HMG20A: variants seen among roughly 807,000 people sequenced by gnomAD.
HMG20A encodes the protein high mobility group protein 20A.
HMG20A carries 17 observed loss-of-function variants against 43.9 expected under a neutral mutation model. The observed-to-expected ratio is 0.39, with a 90% confidence interval of 0.27 to 0.58. HMG20A has a LOEUF of 0.58. HMG20A is among the 20% of genes least tolerant of loss of function. HMG20A has a pLI of 0.59. For synonymous variants in HMG20A, 132 were observed against 147.5 expected, an observed-to-expected ratio of 0.89 and a Z score of 0.76; for missense variants, 341 against 438.2, an observed-to-expected ratio of 0.78 and a Z score of 1.98.
At chr15:77,506,083 A>C in the HMG20A span, among the ~76,000 whole-genome samples, 6 of 152,154 alleles carry the variant, frequency 3.9e-5, no homozygotes, top group South Asian at 1.2e-3. Context: ...CAAAAAAAAA[A>C]AAAAAAAACC....
the HMG20A span, among the ~76,000 whole-genome samples, chr15:77,500,655 G>A: frequency 4.0e-5 from 6 of 149,814 alleles, no homozygotes; most frequent in South Asian, 4.2e-4. Flanking sequence ...TGCAACCTCC[G>A]CCTCCCGAGT....
At chr15:77,474,025 T>C (rs746159326) in intron 6 of HMG20A, among the ~76,000 whole-genome samples, 1 of 152,216 alleles carries the variant, frequency 6.6e-6, no homozygotes, top group Non-Finnish European at 1.5e-5. Context: ...TTTGAAAGTT[T>C]TAAAACTGTT....
chr15:77,465,280 A>G (rs1004570997), intron 3 of HMG20A, among the ~76,000 whole-genome samples: 1 of 150,472 alleles, frequency 6.6e-6, no homozygotes, highest in African/African-American at 2.4e-5. Context: ...AAAAAAAAAA[A>G]AAAAAGAAAG....
At chr15:77,512,231 T>C in the HMG20A span, among the ~76,000 whole-genome samples, 1 of 152,020 alleles carries the variant, frequency 6.6e-6, no homozygotes, top group South Asian at 2.1e-4. Context: ...GCACAGAAAG[T>C]AGAATGGTGG....
At chr15:77,489,188 G>A (rs1283335361), downstream of HMG20A, among the ~76,000 whole-genome samples, 1 of 152,208 alleles carries the variant, frequency 6.6e-6, no homozygotes, top group Admixed American at 6.5e-5. Context: ...GAAGACTAAA[G>A]GGAAAAGAGA....
At chr15:77,423,695 T>C (rs1489929654) in intron 1 of HMG20A, among the ~76,000 whole-genome samples, 1 of 152,224 alleles carries the variant, frequency 6.6e-6, no homozygotes. Flanking sequence ...AGAGATGTTA[T>C]ACATAATACA....
chr15:77,465,297 AC>A (rs2072746596), intron 3 of HMG20A, among the ~76,000 whole-genome samples: 1 of 150,372 alleles, frequency 6.7e-6, no homozygotes, highest in Admixed American at 6.6e-5. Context: ...AAAGAAAAAA[AC>A]AACTAATTTT....
intron 2 of HMG20A, among the ~76,000 whole-genome samples, chr15:77,462,221 A>G (rs1411837010): frequency 6.6e-6 from 1 of 152,160 alleles, no homozygotes; most frequent in East Asian, 1.9e-4. Context: ...TTTTTGGCCT[A>G]TCTTATTTAA....
intron 3 of HMG20A, among the ~76,000 whole-genome samples, chr15:77,465,169 G>C (rs2072743386): frequency 6.8e-6 from 1 of 147,782 alleles, no homozygotes; most frequent in African/African-American, 2.5e-5. Context: ...GGCTGAAGCA[G>C]GAGAATCTCT....
chr15:77,476,486 GAAAAAA>G (rs148901766), intron 6 of HMG20A, among the ~76,000 whole-genome samples: 32 of 81,436 alleles, frequency 3.9e-4, no homozygotes, highest in African/African-American at 1.9e-3. Context: ...CTCCCTCTCA[GAAAAAA>G]AAAAAAAAAA....
At position 77,470,966 on chromosome 15, in the gene HMG20A, G is replaced by A; in HGVS notation, c.507G>A (p.Gln169=). The A allele has an allele frequency of 6.2e-7, 1 of 1,613,216 alleles. No homozygotes were observed. The change falls in exon 5 of 10, where the codon CAG becomes CAA. Residue 169 remains glutamine, a synonymous_variant. Coordinates refer to ENST00000336216, the MANE Select transcript of HMG20A (RefSeq NM_001304504.2). ...AGCGTTACATGAAGGAACTGGAACA[G>A]TATCAGAAAACAGAGGCCTACAAGG... ...DKERYMKELE[Q]YQKTEAYKVF... is the part of the protein sequence containing the mutation.
the HMG20A span, among the ~76,000 whole-genome samples, chr15:77,492,138 T>C: frequency 6.6e-6 from 1 of 152,244 alleles, no homozygotes; most frequent in South Asian, 2.1e-4. Context: ...TATTAAAATA[T>C]AGCTAACAAA....
chr15:77,425,174 A>G (rs953846365), intron 1 of HMG20A, among the ~76,000 whole-genome samples: 1 of 152,172 alleles, frequency 6.6e-6, no homozygotes. Flanking sequence ...AACTCTCCAG[A>G]GCATTATACC....
intron 4 of HMG20A, among the ~76,000 whole-genome samples, chr15:77,470,543 T>C (rs780041512): frequency 7.2e-5 from 11 of 152,186 alleles, no homozygotes; most frequent in Non-Finnish European, 1.2e-4. Context: ...TGTGCCTATG[T>C]GGTGTGCACA....
the HMG20A span, among the ~76,000 whole-genome samples, chr15:77,505,955 C>T: frequency 2.0e-5 from 3 of 151,858 alleles, no homozygotes; most frequent in African/African-American, 7.3e-5. Context: ...GACAGCCCTT[C>T]TGGAATTGGG....
At chr15:77,428,071 C>T (rs1235437299) in intron 1 of HMG20A, among the ~76,000 whole-genome samples, 1 of 152,188 alleles carries the variant, frequency 6.6e-6, no homozygotes, top group Admixed American at 6.5e-5. Context: ...TTGGGACAAT[C>T]AAGCACTGAC....
chr15:77,509,555 CGTGTGTGTGT>C, the HMG20A span, among the ~76,000 whole-genome samples: 21,328 of 115,300 alleles, frequency 0.18, 2,158 homozygotes, highest in Admixed American at 0.22. Flanking sequence ...TGTGCCCAGC[CGTGTGTGTGT>C]GTGTGTGTGT....
At chr15:77,458,361 G>A in intron 1 of HMG20A, 43 bp from the exon 2 acceptor site, 14 of 1,265,492 alleles carry the variant, frequency 1.1e-5, no homozygotes, top group East Asian at 2.3e-5. Flanking sequence ...TGAAATGGAA[G>A]TAATTAAGCC....
At chr15:77,496,031 G>C in the HMG20A span, among the ~76,000 whole-genome samples, 1 of 152,162 alleles carries the variant, frequency 6.6e-6, no homozygotes, top group African/African-American at 2.4e-5. Context: ...AAAGGACTGT[G>C]AGGGAGGAAG....
Sources: allele counts gnomAD v4.1 joint callset (sites outside exome capture counted in the v4.1 genomes callset), GRCh38; gene constraint gnomAD v4.1.1; transcripts MANE v1.5; gene names NCBI Gene and HGNC (gene_info 2026-07-23, HGNC 2026-07-21).